Variants in TBL1XR1 observed in about 807,000 individuals in gnomAD.
The protein encoded by TBL1XR1 is TBL1X/Y related 1, also known as F-box-like/WD repeat-containing protein TBL1XR1.
TBL1XR1 carries 5 observed loss-of-function variants against 66.9 expected under a neutral mutation model. That is an observed-to-expected ratio of 0.07 (90% confidence interval 0.04 to 0.16). The LOEUF (loss-of-function observed/expected upper bound fraction) is 0.16, where lower values mean the gene tolerates loss of function less well. Ranked by LOEUF, TBL1XR1 falls within the 10% of genes least tolerant of loss-of-function variation. The pLI is 1.00. For synonymous variants in TBL1XR1, 210 were observed against 206.0 expected (o/e 1.02, Z -0.17); for missense variants, 238 against 623.2 (o/e 0.38, Z 6.58).
chr3:177,192,416 A>G (rs1415775407), intron 1 of TBL1XR1, among the ~76,000 whole-genome samples: 6 of 151,030 alleles, frequency 4.0e-5, no homozygotes, highest in South Asian at 2.1e-4. Flanking sequence ...AAAAAAAAAG[A>G]AAGAAAGTAA....
At chr3:177,065,859 T>C (rs1298490998) in intron 2 of TBL1XR1, among the ~76,000 whole-genome samples, 1 of 152,214 alleles carries the variant, frequency 6.6e-6, no homozygotes, top group Non-Finnish European at 1.5e-5. Context: ...AGTGTGGCTG[T>C]GTTCCAATAA....
At chr3:177,187,997 A>G (rs960783073) in intron 1 of TBL1XR1, among the ~76,000 whole-genome samples, 1 of 129,608 alleles carries the variant, frequency 7.7e-6, no homozygotes, top group African/African-American at 3.2e-5. Flanking sequence ...TTGCCCAGGC[A>G]GGAATACAGT....
intron 1 of TBL1XR1, among the ~76,000 whole-genome samples, chr3:177,104,677 A>G (rs1724652808): frequency 6.6e-6 from 1 of 152,212 alleles, no homozygotes; most frequent in Non-Finnish European, 1.5e-5. Context: ...ATCTGACACC[A>G]ATTTTTAAAA....
chr3:177,072,790 G>A (rs1195926409), intron 2 of TBL1XR1, among the ~76,000 whole-genome samples: 8 of 152,232 alleles, frequency 5.3e-5, no homozygotes, highest in East Asian at 3.8e-4. Flanking sequence ...ATGGCCAGGC[G>A]CAGTGGCTCA....
At chr3:177,124,250 A>T (rs73187550) in intron 1 of TBL1XR1, among the ~76,000 whole-genome samples, 10,434 of 152,130 alleles carry the variant, frequency 0.069, 525 homozygotes, top group Admixed American at 0.17. Context: ...GGAAGGATGG[A>T]TCCCAAGCAG....
chr3:177,165,984 G>C (rs1288897209), intron 1 of TBL1XR1, among the ~76,000 whole-genome samples: 2 of 152,092 alleles, frequency 1.3e-5, no homozygotes, highest in South Asian at 2.1e-4. Context: ...CACCTACTCA[G>C]GAGGCTGAGG....
chr3:177,026,750 CCAA>C, intron 14 of TBL1XR1: 1 of 303,240 alleles, frequency 3.3e-6, no homozygotes. Context: ...TCTGACATAG[CCAA>C]CAATAGCTAG....
At chr3:177,073,997 G>T (rs183870494) in intron 2 of TBL1XR1, among the ~76,000 whole-genome samples, 1 of 152,286 alleles carries the variant, frequency 6.6e-6, no homozygotes, top group East Asian at 1.9e-4. Context: ...ATGGGGTAGC[G>T]TTCTTTACCA....
chr3:177,111,225 C>T (rs981952944), intron 1 of TBL1XR1, among the ~76,000 whole-genome samples: 5 of 151,916 alleles, frequency 3.3e-5, no homozygotes. Flanking sequence ...CAAAAGTTAC[C>T]CTGGGTTAGA....
chr3:177,111,392 C>A (rs534873513), intron 1 of TBL1XR1, among the ~76,000 whole-genome samples: 83 of 152,082 alleles, frequency 5.5e-4, no homozygotes, highest in Admixed American at 4.0e-3. Flanking sequence ...CCTGCCTCAG[C>A]CTCCCGAGTA....
chr3:177,188,651 G>A (rs992717646), intron 1 of TBL1XR1, among the ~76,000 whole-genome samples: 5 of 152,102 alleles, frequency 3.3e-5, no homozygotes, highest in Non-Finnish European at 1.5e-5. Flanking sequence ...TTCAATAAAG[G>A]GGAAAATAGG....
chr3:177,112,088 TATATATATATATATATATA>T (rs1560188379), intron 1 of TBL1XR1, among the ~76,000 whole-genome samples: 10 of 51,394 alleles, frequency 1.9e-4, no homozygotes, highest in South Asian at 1.2e-3. Flanking sequence ...TATATATATA[TATATATATATATATATATA>T]TTTTTTTTTT....
At chr3:177,079,885 GA>G (rs1312471341) in intron 2 of TBL1XR1, 2 of 151,560 alleles carry the variant, frequency 1.3e-5, no homozygotes, top group African/African-American at 4.9e-5. Context: ...TGATGTAATA[GA>G]AAGAGTCCTG....
At chr3:177,120,640 C>T (rs1045087497) in intron 1 of TBL1XR1, 5 of 152,134 alleles carry the variant, frequency 3.3e-5, no homozygotes, top group Admixed American at 2.6e-4. Flanking sequence ...ACTTCCTTTT[C>T]GCAGCTTTAA....
At chr3:177,178,801 T>G (rs1734454721) in intron 1 of TBL1XR1, among the ~76,000 whole-genome samples, 1 of 152,172 alleles carries the variant, frequency 6.6e-6, no homozygotes, top group Non-Finnish European at 1.5e-5. Flanking sequence ...CCCATGGAAC[T>G]GCTGTGGTTT....
At chr3:177,100,653 G>A (rs1724087735) in intron 1 of TBL1XR1, among the ~76,000 whole-genome samples, 1 of 152,022 alleles carries the variant, frequency 6.6e-6, no homozygotes, top group African/African-American at 2.4e-5. Context: ...TCGAACTCCT[G>A]ACCTCAAGTG....
intron 1 of TBL1XR1, among the ~76,000 whole-genome samples, chr3:177,181,822 G>GA (rs199618348): frequency 0.055 from 4,722 of 86,486 alleles, 235 homozygotes; most frequent in African/African-American, 0.15. Context: ...TTCAAGTTAG[G>GA]AAAAAAAAAA....
chr3:177,078,875 G>A (rs1346891793), intron 2 of TBL1XR1: 1 of 151,856 alleles, frequency 6.6e-6, no homozygotes, highest in African/African-American at 2.4e-5. Flanking sequence ...CGTGAACCCG[G>A]GAGGCAGAGC....
At chr3:177,131,017 G>A (rs1422316682) in intron 1 of TBL1XR1, among the ~76,000 whole-genome samples, 2 of 152,032 alleles carry the variant, frequency 1.3e-5, no homozygotes, top group African/African-American at 4.8e-5. Context: ...ATTTTAAAAC[G>A]TACTGAGGCT....
Sources: allele counts gnomAD v4.1 joint callset (sites outside exome capture counted in the v4.1 genomes callset), GRCh38; gene constraint gnomAD v4.1.1; transcripts MANE v1.5; gene names NCBI Gene and HGNC (gene_info 2026-07-23, HGNC 2026-07-21).